The following CCNY variants were observed in gnomAD, a reference collection of about 807,000 sequenced individuals.
CCNY encodes the protein cyclin Y.
A neutral mutation model predicts 42.8 loss-of-function variants in CCNY; 19 were observed. The observed-to-expected ratio is 0.44, with a 90% CI of 0.31 to 0.65. The LOEUF (loss-of-function observed/expected upper bound fraction) is 0.65, where lower values mean the gene tolerates loss of function less well. Among genes scored for constraint, CCNY ranks in the 30% least tolerant of loss-of-function variants. The pLI is 0.07. For missense variants in CCNY, 370 were observed against 437.3 expected, an observed-to-expected ratio of 0.85 and a Z score of 1.37; for synonymous variants, 165 against 162.7, an observed-to-expected ratio of 1.01 and a Z score of -0.11.
chr10:35,421,022 C>G (rs937193565), intron 1 of CCNY, among the ~76,000 whole-genome samples: 1 of 152,224 alleles, frequency 6.6e-6, no homozygotes, highest in African/African-American at 2.4e-5. Context: ...GTCACACAGC[C>G]AGCCCAGTGG....
intron 1 of CCNY, among the ~76,000 whole-genome samples, chr10:35,465,938 A>AGAGAGAGTGAGTGTGT: frequency 2.5e-5 from 2 of 80,960 alleles, no homozygotes; most frequent in Admixed American, 1.3e-4. Flanking sequence ...AGAGAGAGAG[A>AGAGAGAGTGAGTGTGT]GTGTGTGTGT....
intron 1 of CCNY, among the ~76,000 whole-genome samples, chr10:35,440,005 T>C (rs1193686318): frequency 1.3e-5 from 2 of 151,998 alleles, no homozygotes; most frequent in African/African-American, 4.8e-5. Flanking sequence ...GGCCCCCTAC[T>C]TGGCCTTCTT....
chr10:35,391,802 C>A (rs564515869), intron 1 of CCNY, among the ~76,000 whole-genome samples: 53 of 152,150 alleles, frequency 3.5e-4, no homozygotes, highest in African/African-American at 1.1e-3. Flanking sequence ...CTTCTCCCTG[C>A]CCCTCCTCCC....
chr10:35,472,653 C>T (rs1210744062), intron 1 of CCNY, among the ~76,000 whole-genome samples: 1 of 152,166 alleles, frequency 6.6e-6, no homozygotes, highest in Non-Finnish European at 1.5e-5. Flanking sequence ...CTGGCCCTGA[C>T]AACCTCTCAG....
chr10:35,369,626 A>G (rs1001015423), intron 1 of CCNY, among the ~76,000 whole-genome samples: 4 of 152,160 alleles, frequency 2.6e-5, no homozygotes, highest in African/African-American at 9.7e-5. Flanking sequence ...TGAGATTATC[A>G]TAGGATTTTT....
At chr10:35,541,035 C>T (rs1184353190) in intron 7 of CCNY, among the ~76,000 whole-genome samples, 1 of 151,960 alleles carries the variant, frequency 6.6e-6, no homozygotes, top group Non-Finnish European at 1.5e-5. Flanking sequence ...ATGTCGATTA[C>T]TTCCTTCCTT....
chr10:35,507,939 C>G (rs984752780), intron 3 of CCNY, among the ~76,000 whole-genome samples: 1 of 152,134 alleles, frequency 6.6e-6, no homozygotes. Context: ...GCAGTTTCAT[C>G]TGACTCTTGT....
At chr10:35,406,181 CT>C (rs57343974) in intron 1 of CCNY, among the ~76,000 whole-genome samples, 3,134 of 133,354 alleles carry the variant, frequency 0.024, 104 homozygotes, top group African/African-American at 0.064. Flanking sequence ...GGAGCTTTTT[CT>C]TTTTTTTTTT....
At chr10:35,509,444 T>G (rs1349595343) in intron 3 of CCNY, among the ~76,000 whole-genome samples, 5 of 151,914 alleles carry the variant, frequency 3.3e-5, no homozygotes, top group Non-Finnish European at 7.4e-5. Flanking sequence ...CCCAGCTAAT[T>G]TTTGTATTTT....
intron 3 of CCNY, among the ~76,000 whole-genome samples, chr10:35,281,554 G>A (rs1027486396): frequency 7.2e-5 from 11 of 152,004 alleles, no homozygotes; most frequent in African/African-American, 1.9e-4. Context: ...CACCTGCCTC[G>A]GTCTTCCAAA....
Position 35,509,655 on chromosome 10 carries a change from C to T in CCNY, c.265-6868C>T, listed in dbSNP as rs556132676. Among the ~76,000 whole-genome samples the T allele has an allele frequency of 2.6e-5, 4 of 152,108 alleles. No individual in the cohort carries two copies. The South Asian group carries it at 8.3e-4, about 32-fold the overall frequency. ...AGAGGAAGATTTTTTTCTTATTTTG[C>T]TTTTTGTCTTTGTGTCTCTGTGACC... On this transcript the variant is annotated intron_variant, in intron 3 of 9. Coordinates refer to ENST00000374704, the MANE Select transcript of CCNY (RefSeq NM_145012.6).
Position 35,376,972 on chromosome 10 carries a change from C to T in CCNY, c.154+39765C>T, listed in dbSNP as rs1312514728. ...ATGAAAATGTTTTGGAATTACATAG[C>T]AGTGATGATTGTACAACTTTGTGAA... On this transcript the variant is annotated intron_variant, in intron 1 of 9. Coordinates refer to ENST00000374704, the MANE Select transcript of CCNY (RefSeq NM_145012.6). Among the ~76,000 whole-genome samples, 3 of 152,014 alleles carry T rather than the reference C, an allele frequency of 2.0e-5. No homozygotes were observed. In the East Asian group the frequency reaches 5.8e-4, roughly 29 times the overall value.
chr10:35,498,217 A>C (rs759191155), intron 2 of CCNY, among the ~76,000 whole-genome samples: 1 of 152,114 alleles, frequency 6.6e-6, no homozygotes, highest in Admixed American at 6.5e-5. Flanking sequence ...ATGGAGGACC[A>C]CTCATGTAAG....
chr10:35,261,010 C>T (rs2095719127), intron 3 of CCNY, among the ~76,000 whole-genome samples: 1 of 152,014 alleles, frequency 6.6e-6, no homozygotes, highest in African/African-American at 2.4e-5. Flanking sequence ...ACATGGGAGG[C>T]CAAAGTGGGA....
chr10:35,336,354 C>T (rs2135110617), upstream of CCNY: 1 of 152,174 alleles, frequency 6.6e-6, no homozygotes, highest in South Asian at 2.1e-4. Context: ...AGAGGAGCGG[C>T]CCCCGGGAGC....
intron 3 of CCNY, among the ~76,000 whole-genome samples, chr10:35,507,808 TA>T (rs758798087): frequency 1.6e-4 from 21 of 134,316 alleles, no homozygotes; most frequent in East Asian, 9.1e-4. Context: ...TTTTTTTTTT[TA>T]AATAATAATG....
At chr10:35,340,625 G>A (rs1048868620) in intron 1 of CCNY, among the ~76,000 whole-genome samples, 1 of 151,318 alleles carries the variant, frequency 6.6e-6, no homozygotes, top group Non-Finnish European at 1.5e-5. Flanking sequence ...CTGCCTCAGC[G>A]TCCCAAGTAG....
intron 3 of CCNY, among the ~76,000 whole-genome samples, chr10:35,512,308 GGA>G (rs1840340361): frequency 6.6e-6 from 1 of 152,156 alleles, no homozygotes; most frequent in South Asian, 2.1e-4. Context: ...GGGCCAGAAA[GGA>G]GAGATTTGGG....
chr10:35,528,063 A>C (rs1278773447), intron 5 of CCNY, among the ~76,000 whole-genome samples: 1 of 152,178 alleles, frequency 6.6e-6, no homozygotes, highest in African/African-American at 2.4e-5. Flanking sequence ...AGGGTGCTGG[A>C]TGCTTTCAGG....
Sources: gnomAD v4.1 joint callset for allele counts (sites outside exome capture counted in the v4.1 genomes callset) on GRCh38, gnomAD v4.1.1 for gene constraint, MANE v1.5 for transcripts, NCBI Gene and HGNC (gene_info 2026-07-23, HGNC 2026-07-21) for gene names.